CCDC62: variants seen among roughly 807,000 people sequenced by gnomAD.
The protein encoded by CCDC62 is coiled-coil domain-containing protein 62.
In CCDC62, 72 loss-of-function variants were observed where a neutral mutation model predicts 80.8. The observed-to-expected ratio is 0.89, with a 90% CI of 0.74 to 1.08. CCDC62 has a LOEUF of 1.08. CCDC62 is among the 50% of genes least tolerant of loss of function. CCDC62 has a pLI of 0.00. For synonymous variants in CCDC62, 286 were observed against 296.5 expected (o/e 0.96, Z 0.36); for missense variants, 704 against 809.4 (o/e 0.87, Z 1.58).
chr12:122,805,187 CTTT>C lies in CCDC62; in HGVS notation c.1707-944_1707-942del, dbSNP rs35231650. Reference sequence around the variant, plus strand: ...GGCATGAGTCACCGCAACTGGCCGGCTTTTTTTTTTTTTTTTTTTTTTGTGAGA... The same window carrying C: ...GGCATGAGTCACCGCAACTGGCCGGCTTTTTTTTTTTTTTTTTTTGTGAGA... On this transcript the variant is annotated intron_variant, in intron 9 of 12. Transcript: ENST00000253079. 7.3e-3 allele frequency among the ~76,000 whole-genome samples: 470 copies of C among 64,464 alleles called. 5 individuals are homozygous for C. The highest frequency in any genetic ancestry group is 0.026 in the African/African-American group (432 of 16,866). 42.3% of individuals were successfully genotyped at this position (64,464 alleles called of 152,430 possible). A position where few individuals can be genotyped will look rare whatever the true frequency, so the allele number is the denominator to read the frequency against.
In CCDC62 at chr12:122,789,074, G is replaced by C. The variant is rs1181261226; in HGVS notation, c.670+145G>C. ...TGAAATATCCATTTCATTTATATAGGATTATGCTGCAATTTGTGTCTTATA... is the reference window on the plus strand; with the variant it reads ...TGAAATATCCATTTCATTTATATAGCATTATGCTGCAATTTGTGTCTTATA... On this transcript the variant is annotated intron_variant, in intron 5 of 12. Transcript: ENST00000253079. 2.3e-5 allele frequency: 14 copies of C among 610,926 alleles called. 1 individual carries two copies. The East Asian group carries it at 3.6e-4, about 16-fold the overall frequency. 37.8% of individuals were successfully genotyped at this position (610,926 alleles called of 1,614,324 possible). A position where few individuals can be genotyped will look rare whatever the true frequency, so the allele number is the denominator to read the frequency against.
chr12:122,802,783 T>C (rs1026507539), intron 9 of CCDC62, among the ~76,000 whole-genome samples: 9 of 152,020 alleles, frequency 5.9e-5, no homozygotes, highest in Non-Finnish European at 1.0e-4. Flanking sequence ...GTCCCAGTAC[T>C]TGGGAGGCTG....
In CCDC62 at chr12:122,813,308, C is replaced by G; in HGVS notation, c.1890C>G (p.Pro630=). The G allele has an allele frequency of 6.2e-7, 1 of 1,613,468 alleles. No individual in the cohort carries two copies. The highest frequency in any genetic ancestry group is 8.5e-7 in the Non-Finnish European group (1 of 1,179,662). Residue 630 remains proline (P), a synonymous_variant, in exon 11 of 13, where the codon CCC becomes CCG. Transcript: ENST00000253079. ...IVLPSQDDFS[P]TSKLQRLLAE... Reference sequence around the variant, plus strand: ...TACCCTCCCAGGATGATTTCTCGCCCACGAGCAAGCTCCAGCGTTTGCTGG... The same window carrying G: ...TACCCTCCCAGGATGATTTCTCGCCGACGAGCAAGCTCCAGCGTTTGCTGG...
rs2031287521 is a variant in CCDC62 at position 122,801,267 on chromosome 12, A to G, written c.1121A>G (p.Asp374Gly). The G allele has an allele frequency of 1.2e-6, 2 of 1,614,184 alleles. No homozygotes were observed. The highest frequency in any genetic ancestry group is 1.7e-6 in the Non-Finnish European group (2 of 1,180,030). ...AATAGGTCAGACAAGAGCTCTTGCG[A>G]TGAATGCAAAGAGAAGAAACAACAG... ...QQNRSDKSSC[D>G]ECKEKKQQID... The change falls in exon 9 of 13, where the codon GAT becomes GGT. Residue 374 changes from aspartate to glycine, a missense_variant. By Grantham distance (94) the Asp-to-Gly change is moderately conservative. Transcript: ENST00000253079.
In CCDC62 at chr12:122,801,578, C is replaced by T. The variant is rs1376560907; in HGVS notation, c.1432C>T (p.His478Tyr). The T allele has an allele frequency of 1.9e-6, 3 of 1,614,056 alleles. No individual in the cohort carries two copies. Among genetic ancestry groups the T allele is most frequent in the African/African-American group, 1.3e-5 (1 of 74,920 alleles). Residue 478 changes from histidine (H) to tyrosine (Y), a missense_variant, in exon 9 of 13, where the codon CAT becomes TAT. Physicochemically the swap from His to Tyr is moderately conservative, Grantham distance 83. Coordinates refer to ENST00000253079, the MANE Select transcript of CCDC62 (RefSeq NM_201435.5). ...CCTGACCAACTGTCCAAGTTCAAAA[C>T]ATCCAGAAAAGCTGGATGTAGAATG... ...LGLTNCPSSK[H>Y]PEKLDVECQD...
At chr12:122,813,492 C>A in intron 11 of CCDC62, 73 bp downstream of exon 11, 1 of 1,406,938 alleles carries the variant, frequency 7.1e-7, no homozygotes, top group Non-Finnish European at 9.6e-7. Context: ...GTGCAAATAT[C>A]ACCGGCAGGG....
chr12:122,812,773 GAGAGAGAAAGAAAGAAAGAA>G lies in CCDC62; in HGVS notation c.1852-493_1852-474del, dbSNP rs1248474474. 3.5e-3 allele frequency among the ~76,000 whole-genome samples: 239 copies of G among 68,892 alleles called. 5 individuals are homozygous for G. Among genetic ancestry groups the G allele is most frequent in the South Asian group, 0.028 (53 of 1,870 alleles). 45.2% of individuals were successfully genotyped at this position (68,892 alleles called of 152,430 possible). On this transcript the variant is annotated intron_variant, in intron 10 of 12. Coordinates refer to ENST00000253079, the MANE Select transcript of CCDC62 (RefSeq NM_201435.5). ...AGAGGGAGGGAGAGAGAGAGAGAGA[GAGAGAGAAAGAAAGAAAGAA>G]AGAAAGAAAGAAAGAAAGAAAGAAA...
intron 6 of CCDC62, among the ~76,000 whole-genome samples, chr12:122,794,918 G>A (rs1468151625): frequency 6.6e-6 from 1 of 152,138 alleles, no homozygotes; most frequent in African/African-American, 2.4e-5. Context: ...TAATCCTCCT[G>A]CCTTGGCCTC....
intron 10 of CCDC62, among the ~76,000 whole-genome samples, chr12:122,812,442 C>G (rs1165180348): frequency 7.7e-6 from 1 of 129,886 alleles, no homozygotes; most frequent in African/African-American, 2.9e-5. Flanking sequence ...AACTCCGTCT[C>G]AAAAAAAAAA....
Position 122,781,322 on chromosome 12 carries a change from G to A in CCDC62, c.388G>A (p.Asp130Asn), listed in dbSNP as rs1397026451. Residue 130 changes from aspartate to asparagine, a missense_variant, in exon 3 of 13, where the codon GAC becomes AAC. Transcript: ENST00000253079. ...AACGCATTCTTCTCTTCTCTCTGAA[G>A]ACCTTGAGGTTGGGATTAGTTTTTG... ...KATHSSLLSE[D>N]LEARNETLSN... is the part of the protein sequence containing the mutation. 7 of 1,613,230 alleles carry A rather than the reference G, an allele frequency of 4.3e-6. No homozygotes were observed. The South Asian group carries it at 6.6e-5, about 15-fold the overall frequency.
chr12:122,777,790 C>A, intron 2 of CCDC62, 107 bp downstream of exon 2: 2 of 1,070,572 alleles, frequency 1.9e-6, no homozygotes, highest in South Asian at 1.5e-5. Flanking sequence ...CCCTGTTGTC[C>A]TCAAGTTTAG....
chr12:122,780,999 T>G (rs1372077434), intron 2 of CCDC62, among the ~76,000 whole-genome samples, 165 bp from the exon 3 acceptor site: 1 of 152,160 alleles, frequency 6.6e-6, no homozygotes, highest in East Asian at 1.9e-4. Flanking sequence ...ACAGTTCTGT[T>G]TCTTGATTAG....
At chr12:122,784,213 T>C (rs889917737) in intron 3 of CCDC62, among the ~76,000 whole-genome samples, 2 of 152,160 alleles carry the variant, frequency 1.3e-5, no homozygotes, top group Non-Finnish European at 2.9e-5. Context: ...CCTAAAGATA[T>C]CTTTTTAAAA....
intron 2 of CCDC62, among the ~76,000 whole-genome samples, 171 bp downstream of exon 2, chr12:122,777,854 CAAAT>C (rs537207380): frequency 5.2e-4 from 79 of 152,240 alleles, no homozygotes; most frequent in Non-Finnish European, 1.0e-3. Context: ...CAGACACACA[CAAAT>C]AAAGTAGGAC....
chr12:122,779,376 GAAGGTGTGC>G (rs1053027501), intron 2 of CCDC62, among the ~76,000 whole-genome samples: 3 of 152,144 alleles, frequency 2.0e-5, no homozygotes, highest in Non-Finnish European at 4.4e-5. Context: ...TAGTGAAGCT[GAAGGTGTGC>G]ATATCCTACA....
intron 11 of CCDC62, among the ~76,000 whole-genome samples, chr12:122,822,956 CTT>C (rs886957001): frequency 6.6e-6 from 1 of 151,684 alleles, no homozygotes; most frequent in Admixed American, 6.6e-5. Context: ...CATCTAACGT[CTT>C]TTTTTCTTTT....
intron 6 of CCDC62, among the ~76,000 whole-genome samples, chr12:122,792,857 G>A (rs566368870): frequency 6.6e-6 from 1 of 152,216 alleles, no homozygotes; most frequent in South Asian, 2.1e-4. Context: ...GACCGATGGT[G>A]GACCAAGCAG....
rs145190117 is a variant in CCDC62, at chr12:122,809,459, C to A, written c.1851+3164C>A. 5.0e-3 allele frequency among the ~76,000 whole-genome samples: 754 copies of A among 151,942 alleles called. 7 individuals carry two copies. Among genetic ancestry groups the A allele is most frequent in the Non-Finnish European group, 7.2e-3 (487 of 68,000 alleles). ...AAGCTGAGATTGTGCCATTGCACTT[C>A]AGCCTGGGCGACAGAGCCAGACCCT... On this transcript the variant is annotated intron_variant, in intron 10 of 12. Coordinates refer to ENST00000253079, the MANE Select transcript of CCDC62 (RefSeq NM_201435.5).
rs760602910 is a variant in CCDC62, at chr12:122,798,209, A to C, written c.977+9A>C. 3 of 1,226,206 alleles carry C rather than the reference A, an allele frequency of 2.4e-6. No individual in the cohort carries two copies. Among genetic ancestry groups the C allele is most frequent in the Non-Finnish European group, 3.6e-6 (3 of 828,660 alleles). The allele number at this position is 1,226,206 out of a possible 1,614,324, so 76.0% of individuals were successfully genotyped here. ...AAGGCTCTGGACTCCAGGTAATCTT[A>C]GCAAGATGCAATTAATATGATCTTG... On this transcript the variant is annotated intron_variant, in intron 8 of 12. Transcript: ENST00000253079.
Sources: allele counts gnomAD v4.1 joint callset (sites outside exome capture counted in the v4.1 genomes callset), GRCh38; gene constraint gnomAD v4.1.1; transcripts MANE v1.5; gene names NCBI Gene and HGNC (gene_info 2026-07-23, HGNC 2026-07-21).